The following ERC2 variants were observed in gnomAD, a reference collection of about 807,000 sequenced individuals.
ERC2 encodes the protein ERC protein 2.
A neutral mutation model predicts 114.8 loss-of-function variants in ERC2; 42 were observed. That is an observed-to-expected ratio of 0.37 (90% confidence interval 0.29 to 0.47). The LOEUF is 0.47. Ranked by LOEUF, ERC2 falls within the 20% of genes least tolerant of loss-of-function variation. ERC2 has a pLI of 0.99. For synonymous variants in ERC2, 454 were observed against 425.5 expected (o/e 1.07, Z -0.82); for missense variants, 939 against 1,150.7 (o/e 0.82, Z 2.66).
intron 12 of ERC2, among the ~76,000 whole-genome samples, chr3:55,972,961 T>A (rs1330011647): frequency 6.6e-6 from 1 of 152,042 alleles, no homozygotes; most frequent in African/African-American, 2.4e-5. Context: ...AAACACTGAA[T>A]GGGGAATGAG....
At chr3:55,789,677 T>C (rs1273586405) in intron 14 of ERC2, among the ~76,000 whole-genome samples, 1 of 152,228 alleles carries the variant, frequency 6.6e-6, no homozygotes, top group African/African-American at 2.4e-5. Context: ...ACAATTGGTC[T>C]GAGAAGAAGT....
intron 4 of ERC2, among the ~76,000 whole-genome samples, chr3:56,149,823 G>C (rs556859574): frequency 1.1e-4 from 16 of 152,088 alleles, no homozygotes; most frequent in Non-Finnish European, 2.2e-4. Context: ...TTGATTTATG[G>C]AGCCAACAAC....
At chr3:56,004,506 GT>G (rs1281608681) in intron 10 of ERC2, among the ~76,000 whole-genome samples, 3 of 151,988 alleles carry the variant, frequency 2.0e-5, no homozygotes, top group Non-Finnish European at 4.4e-5. Flanking sequence ...AATTAACACA[GT>G]ATAATAAAGG....
At chr3:55,744,272 C>T (rs1293340041) in intron 14 of ERC2, among the ~76,000 whole-genome samples, 3 of 152,038 alleles carry the variant, frequency 2.0e-5, no homozygotes, top group South Asian at 2.1e-4. Context: ...GGCGTGGTAG[C>T]GGACACCTGT....
intron 17 of ERC2, among the ~76,000 whole-genome samples, chr3:55,512,331 G>C (rs1211609538): frequency 2.6e-5 from 4 of 152,044 alleles, no homozygotes; most frequent in Non-Finnish European, 5.9e-5. Flanking sequence ...ACTTGAATCG[G>C]GGCAAAAAAA....
At chr3:56,112,082 G>A (rs1385110371) in intron 6 of ERC2, among the ~76,000 whole-genome samples, 3 of 152,090 alleles carry the variant, frequency 2.0e-5, no homozygotes, top group Admixed American at 2.0e-4. Context: ...ATGCTGCAAG[G>A]CAAATGCTTT....
At chr3:55,749,669 G>A (rs756237485) in intron 14 of ERC2, among the ~76,000 whole-genome samples, 3 of 152,112 alleles carry the variant, frequency 2.0e-5, no homozygotes, top group African/African-American at 4.8e-5. Context: ...ATTGAAAAAC[G>A]GGCACTCCGA....
At chr3:55,524,969 C>T (rs747358274) in intron 17 of ERC2, among the ~76,000 whole-genome samples, 10 of 152,102 alleles carry the variant, frequency 6.6e-5, no homozygotes, top group African/African-American at 1.4e-4. Context: ...CCACAGGTAC[C>T]GCAGTTGGTC....
At chr3:55,817,168 A>G (rs2059932886) in intron 14 of ERC2, among the ~76,000 whole-genome samples, 1 of 152,170 alleles carries the variant, frequency 6.6e-6, no homozygotes, top group African/African-American at 2.4e-5. Flanking sequence ...ACCACCTTCT[A>G]CTATTATTCT....
intron 3 of ERC2, among the ~76,000 whole-genome samples, chr3:56,216,478 C>A (rs923925066): frequency 2.0e-5 from 3 of 152,118 alleles, no homozygotes; most frequent in South Asian, 2.1e-4. Context: ...CAATAACAGG[C>A]TCTGAAATTG....
At chr3:55,680,446 A>T (rs895937545) in intron 17 of ERC2, among the ~76,000 whole-genome samples, 9 of 152,178 alleles carry the variant, frequency 5.9e-5, no homozygotes, top group African/African-American at 2.2e-4. Context: ...GGATCCATGG[A>T]AAGCACCTTC....
chr3:56,459,888 C>T (rs528147294), intron 1 of ERC2, among the ~76,000 whole-genome samples: 12 of 152,290 alleles, frequency 7.9e-5, no homozygotes, highest in African/African-American at 2.4e-4. Context: ...TCTGACCAAG[C>T]GAACTCTGCT....
At chr3:55,865,593 T>C (rs1279659929) in intron 14 of ERC2, among the ~76,000 whole-genome samples, 1 of 152,066 alleles carries the variant, frequency 6.6e-6, no homozygotes, top group African/African-American at 2.4e-5. Flanking sequence ...AACAGAACCC[T>C]ATACCCATTA....
intron 15 of ERC2, among the ~76,000 whole-genome samples, chr3:55,704,404 G>C (rs951961745): frequency 1.2e-4 from 18 of 152,302 alleles, no homozygotes; most frequent in African/African-American, 4.3e-4. Flanking sequence ...AATAAGATCT[G>C]TTGCTATGGG....
chr3:55,557,793 C>T (rs189814664), intron 17 of ERC2, among the ~76,000 whole-genome samples: 1 of 152,374 alleles, frequency 6.6e-6, no homozygotes, highest in East Asian at 1.9e-4. Flanking sequence ...TTTGCACATG[C>T]TGTTCTCTCT....
At chr3:56,168,347 C>A (rs766279010) in intron 4 of ERC2, among the ~76,000 whole-genome samples, 1 of 152,040 alleles carries the variant, frequency 6.6e-6, no homozygotes, top group Non-Finnish European at 1.5e-5. Flanking sequence ...TTTTAATAGC[C>A]ACAAAAGGAG....
intron 1 of ERC2, among the ~76,000 whole-genome samples, chr3:56,442,546 T>C (rs1201607069): frequency 6.6e-6 from 1 of 152,080 alleles, no homozygotes; most frequent in African/African-American, 2.4e-5. Flanking sequence ...AGTACCAACA[T>C]TGTGCTACTC....
chr3:55,901,794 C>T (rs2064150599), intron 13 of ERC2, among the ~76,000 whole-genome samples: 1 of 152,192 alleles, frequency 6.6e-6, no homozygotes, highest in Non-Finnish European at 1.5e-5. Context: ...AGAATCCCTC[C>T]ACAAAATATC....
intron 9 of ERC2, among the ~76,000 whole-genome samples, chr3:56,009,579 G>T (rs1030815439): frequency 2.0e-5 from 3 of 152,176 alleles, no homozygotes; most frequent in African/African-American, 7.2e-5. Context: ...AGGGTGAAAG[G>T]TCTATAACAG....
Sources: allele counts gnomAD v4.1 joint callset (sites outside exome capture counted in the v4.1 genomes callset), GRCh38; gene constraint gnomAD v4.1.1; transcripts MANE v1.5; gene names NCBI Gene and HGNC (gene_info 2026-07-23, HGNC 2026-07-21).